Variants in LRRC14B observed in about 807,000 individuals in gnomAD.
LRRC14B encodes leucine-rich repeat-containing protein 14B.
In LRRC14B, 23 loss-of-function variants were observed where a neutral mutation model predicts 16.9. That is an observed-to-expected ratio of 1.36 (90% CI 0.98 to 1.92). The LOEUF is 1.92. Ranked by LOEUF, LRRC14B falls within the 30% of genes most tolerant of loss-of-function variation. LRRC14B has a pLI of 0.00. For synonymous variants in LRRC14B, 358 were observed against 332.5 expected (o/e 1.08, Z -0.83); for missense variants, 766 against 705.7 (o/e 1.09, Z -0.97).
rs200760069 is a variant in LRRC14B at position 195,057 on chromosome 5, G to A, written c.1249G>A (p.Glu417Lys). ...CTTCACCGCACTCTGTGAGCTCCCCGAGCTGCGCTGCATTGAGTTCCCGGT... is the reference window on the plus strand; with the variant it reads ...CTTCACCGCACTCTGTGAGCTCCCCAAGCTGCGCTGCATTGAGTTCCCGGT... Reference protein sequence around the residue: ...RLFTALCELPELRCIEFPVPK... With the variant: ...RLFTALCELPKLRCIEFPVPK... Residue 417 changes from glutamate to lysine, a missense_variant, in exon 2 of 2, where the codon GAG (glutamate) becomes AAG (lysine). Coordinates refer to ENST00000328278, the MANE Select transcript of LRRC14B (RefSeq NM_001080478.3). 1.1e-4 allele frequency: 184 copies of A among 1,613,480 alleles called. No homozygotes were observed. The highest frequency in any genetic ancestry group is 1.6e-4 in the Middle Eastern group (1 of 6,082).
rs188807069 is a variant in LRRC14B at position 191,693 on chromosome 5, C to T, written c.155C>T (p.Ala52Val). Residue 52 changes from alanine (A) to valine (V), a missense_variant, in exon 1 of 2, where the codon GCG becomes GTG. Ala to Val is a moderately conservative substitution (Grantham distance 64). Transcript: ENST00000328278. ...YLLEQAEVTRAVLGRWPLEEF... is the reference protein window; with the variant it reads ...YLLEQAEVTRVVLGRWPLEEF... Reference sequence around the variant, plus strand: ...CTGGAGCAGGCGGAGGTGACGCGCGCGGTGCTGGGGCGCTGGCCCCTGGAG... The same window carrying T: ...CTGGAGCAGGCGGAGGTGACGCGCGTGGTGCTGGGGCGCTGGCCCCTGGAG... 12 of 1,597,358 alleles carry T rather than the reference C, an allele frequency of 7.5e-6. No homozygotes were observed. The highest frequency in any genetic ancestry group is 4.5e-5 in the East Asian group (2 of 44,018).
rs753865086 is a variant in LRRC14B, at chr5:195,489, G to A, written c.*136G>A. The A allele has an allele frequency of 1.1e-6, 1 of 880,846 alleles. No individual in the cohort carries two copies. The highest frequency in any genetic ancestry group is 1.7e-6 in the Non-Finnish European group (1 of 586,598). The allele number at this position is 880,846 out of a possible 1,614,324, so 54.6% of individuals were successfully genotyped here. ...CCAAAAGCAGTTCTTAGTGAAAATT[G>A]TAGGCGAGCCTGTTAAGCGTTGTAG... On this transcript the variant is annotated 3_prime_UTR_variant, in exon 2 of 2. Coordinates refer to ENST00000328278, the MANE Select transcript of LRRC14B (RefSeq NM_001080478.3).
chr5:194,999 G>A lies in LRRC14B; in HGVS notation c.1191G>A (p.Gly397=). ...GGCTGCGCCAGCTCAAGTTCCTCGG[G>A]AACCCGCTGTCGGCCCGCGCCCTCC... ...CHRLRQLKFL[G]NPLSARALRR... The change falls in exon 2 of 2, where the codon GGG becomes GGA. Residue 397 remains glycine (G), a synonymous_variant. Transcript: ENST00000328278. 6.2e-7 allele frequency: 1 copy of A among 1,613,402 alleles called. No individual in the cohort carries two copies. The highest frequency in any genetic ancestry group is 1.1e-5 in the South Asian group (1 of 91,074).
chr5:191,937 C>T lies in LRRC14B; in HGVS notation c.399C>T (p.Gly133=), dbSNP rs1319928619. The change falls in exon 1 of 2, where the codon GGC becomes GGT. Residue 133 remains glycine (G), a synonymous_variant. Coordinates refer to ENST00000328278, the MANE Select transcript of LRRC14B (RefSeq NM_001080478.3). ...GCGGGAGGGCGCTGGGCAGGTGGGG[C>T]CGCACCCAGCTGCTGGCCAGGACCT... The part of the protein sequence containing the change: ...CPCGRALGRW[G]RTQLLARTCC... 1.3e-6 allele frequency: 2 copies of T among 1,514,418 alleles called. No homozygotes were observed. Among genetic ancestry groups the T allele is most frequent in the Non-Finnish European group, 8.8e-7 (1 of 1,134,174 alleles). 93.8% of individuals were successfully genotyped at this position (1,514,418 alleles called of 1,614,324 possible).
intron 1 of LRRC14B, 29 bp from the exon 2 acceptor site, chr5:194,679 A>T (rs753178615): frequency 6.4e-7 from 1 of 1,565,468 alleles, no homozygotes; most frequent in Non-Finnish European, 8.7e-7. Flanking sequence ...CCCTCCTCTC[A>T]CCTGTGCTCT....
rs1466074040 is a variant in LRRC14B, at chr5:194,742, G to C, written c.934G>C (p.Ala312Pro). The change falls in exon 2 of 2, where the codon GCC becomes CCC. Residue 312 changes from alanine to proline, a missense_variant. Ala to Pro is a conservative substitution (Grantham distance 27). Transcript: ENST00000328278. ...LQTPLRVLDL[A>P]NCALNHTDMA... ...GACCCCGCTGCGAGTACTGGACCTG[G>C]CCAACTGTGCCCTGAACCACACGGA... 34 of 1,612,796 alleles carry C rather than the reference G, an allele frequency of 2.1e-5. No individual in the cohort carries two copies. In the East Asian group the frequency reaches 7.4e-4, roughly 35 times the overall value.
chr5:192,728 T>C (rs1313794140), intron 1 of LRRC14B, among the ~76,000 whole-genome samples: 1 of 152,214 alleles, frequency 6.6e-6, no homozygotes, highest in Non-Finnish European at 1.5e-5. Context: ...AGTGCCTACG[T>C]GGTGTGAGGA....
Position 191,829 on chromosome 5 carries a change from C to G in LRRC14B, c.291C>G (p.His97Gln). Residue 97 changes from histidine (H) to glutamine (Q), a missense_variant, in exon 1 of 2, where the codon CAC becomes CAG. Coordinates refer to ENST00000328278, the MANE Select transcript of LRRC14B (RefSeq NM_001080478.3). ...LEALVRGLAD[H>Q]VLQDRSRRRL... ...CGCTGGTGCGCGGCCTCGCGGACCA[C>G]GTGCTGCAGGACCGGAGCCGCCGGC... 6.5e-7 allele frequency: 1 copy of G among 1,529,586 alleles called. No individual in the cohort carries two copies. The highest frequency in any genetic ancestry group is 8.7e-7 in the Non-Finnish European group (1 of 1,143,294). 94.8% of individuals were successfully genotyped at this position (1,529,586 alleles called of 1,614,324 possible). A position where few individuals can be genotyped will look rare whatever the true frequency, so the allele number is the denominator to read the frequency against.
In LRRC14B at chr5:195,203, T is replaced by C. The variant is rs6886707; in HGVS notation, c.1395T>C (p.Ala465=). ...AGCTGCGTGCCGTGCTGCTGCGGGC[T>C]GACCGAGAGGACATCCAAGTCTCCA... ...AEELRAVLLR[A]DREDIQVSTP... is the part of the protein sequence containing the mutation. Residue 465 remains alanine (A), a synonymous_variant, in exon 2 of 2, where the codon GCT becomes GCC. Coordinates refer to ENST00000328278, the MANE Select transcript of LRRC14B (RefSeq NM_001080478.3). 0.13 allele frequency: 205,302 copies of C among 1,613,656 alleles called. 17,820 individuals carry two copies. The highest frequency in any genetic ancestry group is 0.43 in the African/African-American group (32,215 of 74,968).
In LRRC14B at chr5:192,408, G is replaced by A. The variant is rs768131016; in HGVS notation, c.870G>A (p.Thr290=). The A allele has an allele frequency of 7.1e-6, 11 of 1,555,714 alleles. No homozygotes were observed. The highest frequency in any genetic ancestry group is 5.6e-5 in the Admixed American group (3 of 53,762). ...QLTELSVAFS[T]LTGKIPTLLG... is the part of the protein sequence containing the mutation. ...CTGAGCTCAGTGTGGCCTTCTCCACGCTGACCGGGAAGATCCCGACGCTGC... is the reference window on the plus strand; with the variant it reads ...CTGAGCTCAGTGTGGCCTTCTCCACACTGACCGGGAAGATCCCGACGCTGC... Residue 290 remains threonine, a synonymous_variant, in exon 1 of 2, where the codon ACG becomes ACA. Transcript: ENST00000328278.
chr5:195,391 G>C lies in LRRC14B; in HGVS notation c.*38G>C. 1 of 1,566,662 alleles carries C rather than the reference G, an allele frequency of 6.4e-7. No individual in the cohort carries two copies. The highest frequency in any genetic ancestry group is 1.2e-5 in the South Asian group (1 of 86,332). On this transcript the variant is annotated 3_prime_UTR_variant, in exon 2 of 2. Coordinates refer to ENST00000328278, the MANE Select transcript of LRRC14B (RefSeq NM_001080478.3). The stretch of plus-strand genomic sequence containing the variant: ...CACCAGTGACAGGTCTTGCATTTCA[G>C]CCTGCAGGTGCCCCGGGCTTTAGTC...
Position 191,999 on chromosome 5 carries a change from G to A in LRRC14B, c.461G>A (p.Arg154His). The A allele has an allele frequency of 2.6e-6, 4 of 1,533,584 alleles. No homozygotes were observed. In the South Asian group the frequency reaches 3.6e-5, roughly 14 times the overall value. 95.0% of individuals were successfully genotyped at this position (1,533,584 alleles called of 1,614,324 possible). ...ELQAEPLAAG[R>H]PVEVLADLFV... ...CAGGCAGAGCCCCTCGCAGCCGGGC[G>A]CCCCGTCGAGGTCCTCGCCGACCTC... Residue 154 changes from arginine (R) to histidine (H), a missense_variant, in exon 1 of 2, where the codon CGC becomes CAC. Coordinates refer to ENST00000328278, the MANE Select transcript of LRRC14B (RefSeq NM_001080478.3).
Position 195,698 on chromosome 5 carries a change from G to T in LRRC14B, c.*345G>T. On this transcript the variant is annotated 3_prime_UTR_variant, in exon 2 of 2. Transcript: ENST00000328278. ...GCCGACCTGGCCTCAGCGCATCTGG[G>T]CACTGGGCGCAAGATGAAGCTTCAG... is the stretch of plus-strand genomic sequence containing the variant. 1 of 335,650 alleles carries T rather than the reference G, an allele frequency of 3.0e-6. No homozygotes were observed. Among genetic ancestry groups the T allele is most frequent in the Non-Finnish European group, 5.5e-6 (1 of 180,402 alleles). 20.8% of individuals were successfully genotyped at this position (335,650 alleles called of 1,614,324 possible). A position where few individuals can be genotyped will look rare whatever the true frequency, so the allele number is the denominator to read the frequency against.
chr5:194,256 G>A (rs895904984), intron 1 of LRRC14B, among the ~76,000 whole-genome samples: 31 of 152,186 alleles, frequency 2.0e-4, no homozygotes, highest in South Asian at 1.0e-3. Context: ...TCTGTCCTGT[G>A]GTCTCACTGC....
At chr5:194,640 T>A in intron 1 of LRRC14B, 68 bp from the exon 2 acceptor site, 1 of 1,458,564 alleles carries the variant, frequency 6.9e-7, no homozygotes, top group Non-Finnish European at 9.2e-7. Context: ...TTGTTCCCAT[T>A]CGCCTGAGCC....
At chr5:193,563 G>T (rs1335964597) in intron 1 of LRRC14B, among the ~76,000 whole-genome samples, 2 of 147,150 alleles carry the variant, frequency 1.4e-5, no homozygotes, top group Admixed American at 6.7e-5. Context: ...GGGGTGGGGG[G>T]TGGCTGGCTG....
Position 195,214 on chromosome 5 carries a change from A to G in LRRC14B, c.1406A>G (p.Asp469Gly). ...RAVLLRADRE[D>G]IQVSTPLFGS... ...GTGCTGCTGCGGGCTGACCGAGAGGACATCCAAGTCTCCACACCTCTCTTT... is the reference window on the plus strand; with the variant it reads ...GTGCTGCTGCGGGCTGACCGAGAGGGCATCCAAGTCTCCACACCTCTCTTT... The change falls in exon 2 of 2, where the codon GAC (aspartate) becomes GGC (glycine). Residue 469 changes from aspartate to glycine, a missense_variant. Physicochemically the swap from Asp to Gly is moderately conservative, Grantham distance 94. Coordinates refer to ENST00000328278, the MANE Select transcript of LRRC14B (RefSeq NM_001080478.3). The G allele has an allele frequency of 6.2e-7, 1 of 1,613,782 alleles. No individual in the cohort carries two copies. The highest frequency in any genetic ancestry group is 8.5e-7 in the Non-Finnish European group (1 of 1,179,894).
rs1259197649 is a variant in LRRC14B at position 192,164 on chromosome 5, GC to G, written c.629del (p.Pro210ArgfsTer82). 6.3e-7 allele frequency: 1 copy of G among 1,598,266 alleles called. No individual in the cohort carries two copies. The highest frequency in any genetic ancestry group is 8.5e-7 in the Non-Finnish European group (1 of 1,173,632). On this transcript the variant is annotated frameshift_variant, in exon 1 of 2. Transcript: ENST00000328278. LOFTEE classifies it high-confidence loss of function. ...CTCCTGCACGTGCTGCGTCTGGCTG[GC>G]CCGGGTGCCCTGCGCAAGCTGGAGG... is the stretch of plus-strand genomic sequence containing the variant. Reference protein sequence around the residue: ...SQLLHVLRLAGPGALRKLEVV... With the variant: ...SQLLHVLRLAXPGALRKLEVV...
In LRRC14B at chr5:195,486, AT is replaced by A. The variant is rs1309219990; in HGVS notation, c.*135del. ...CCACCAAAAGCAGTTCTTAGTGAAA[AT>A]TGTAGGCGAGCCTGTTAAGCGTTGT... On this transcript the variant is annotated 3_prime_UTR_variant, in exon 2 of 2. Coordinates refer to ENST00000328278, the MANE Select transcript of LRRC14B (RefSeq NM_001080478.3). 1 of 887,502 alleles carries A rather than the reference AT, an allele frequency of 1.1e-6. No individual in the cohort carries two copies. The highest frequency in any genetic ancestry group is 1.7e-5 in the African/African-American group (1 of 59,260). 55.0% of individuals were successfully genotyped at this position (887,502 alleles called of 1,614,324 possible).
Sources: gnomAD v4.1 joint callset for allele counts (sites outside exome capture counted in the v4.1 genomes callset) on GRCh38, gnomAD v4.1.1 for gene constraint, MANE v1.5 for transcripts, NCBI Gene and HGNC (gene_info 2026-07-23, HGNC 2026-07-21) for gene names.